The following ZBTB32 variants were observed in gnomAD, a reference collection of about 807,000 sequenced individuals.
ZBTB32 encodes zinc finger and BTB domain containing 32.
ZBTB32 carries 28 observed loss-of-function variants against 45.3 expected under a neutral mutation model. The ratio of observed to expected loss-of-function variants is 0.62; its 90% CI spans 0.46 to 0.85. The LOEUF is 0.85. Among genes scored for constraint, ZBTB32 ranks in the 40% least tolerant of loss-of-function variants. ZBTB32 has a pLI of 0.00. For missense variants in ZBTB32, 587 were observed against 624.4 expected (o/e 0.94, Z 0.64); for synonymous variants, 283 against 255.7 (o/e 1.11, Z -1.02).
At chr19:35,708,672 G>T (rs1306776301) in intron 1 of ZBTB32, among the ~76,000 whole-genome samples, 2 of 152,080 alleles carry the variant, frequency 1.3e-5, no homozygotes, top group Non-Finnish European at 2.9e-5. Flanking sequence ...AGCTCACCTG[G>T]GTATGACTAT....
chr19:35,707,968 G>A (rs1252536307), intron 1 of ZBTB32, among the ~76,000 whole-genome samples: 1 of 151,964 alleles, frequency 6.6e-6, no homozygotes, highest in African/African-American at 2.4e-5. Flanking sequence ...GGTGACAGAA[G>A]GAGACTCTGT....
intron 4 of ZBTB32, 29 bp from the exon 5 acceptor site, chr19:35,715,910 G>C: frequency 6.2e-7 from 1 of 1,611,994 alleles, no homozygotes; most frequent in African/African-American, 1.3e-5. Flanking sequence ...AGCCTGAGCA[G>C]GGCCCCTACC....
rs1968931389 is a variant in ZBTB32, at chr19:35,716,855, CCGCCCCAGAAG to C, written c.*112_*122del. ...CGCTGCTACGGCGGCCTAGCAAATT[CCGCCCCAGAAG>C]CGCCCCAGGAAGGGCGCCGAGTGCC... On this transcript the variant is annotated 3_prime_UTR_variant, in exon 7 of 7. Coordinates refer to ENST00000392197, the MANE Select transcript of ZBTB32 (RefSeq NM_014383.3). The C allele has an allele frequency of 2.8e-6, 4 of 1,426,878 alleles. No homozygotes were observed. Among genetic ancestry groups the C allele is most frequent in the Non-Finnish European group, 3.8e-6 (4 of 1,058,530 alleles). 88.4% of individuals were successfully genotyped at this position (1,426,878 alleles called of 1,614,324 possible).
chr19:35,710,080 A>G (rs916306694), intron 1 of ZBTB32, among the ~76,000 whole-genome samples: 1 of 150,406 alleles, frequency 6.6e-6, no homozygotes, highest in African/African-American at 2.5e-5. Flanking sequence ...GCATGGTAGC[A>G]GTTGCCTGTA....
At chr19:35,716,066 G>C (rs1568362547) in intron 5 of ZBTB32, 59 bp downstream of exon 5, 6 of 1,611,338 alleles carry the variant, frequency 3.7e-6, no homozygotes, top group Admixed American at 1.7e-5. Flanking sequence ...TTTCCTGCCT[G>C]AATGGTACAG....
At position 35,716,241 on chromosome 19, in the gene ZBTB32, G is replaced by C; in HGVS notation, c.1133G>C (p.Cys378Ser). Residue 378 changes from cysteine (C) to serine (S), a missense_variant, in exon 6 of 7, where the codon TGT becomes TCT. Cys to Ser is a moderately radical substitution (Grantham distance 112). Transcript: ENST00000392197. ...ARSRPYACSV[C>S]GKRFSLKHQM... ...TCTCGGCCCTATGCGTGCTCTGTCT[G>C]TGGAAAGAGGTTTTCACTCAAGCAT... 1 of 1,613,956 alleles carries C rather than the reference G, an allele frequency of 6.2e-7. No individual in the cohort carries two copies. Among genetic ancestry groups the C allele is most frequent in the Non-Finnish European group, 8.5e-7 (1 of 1,179,984 alleles).
chr19:35,716,434 G>C (rs2234375), intron 6 of ZBTB32, 44 bp from the exon 7 acceptor site: 163,420 of 1,586,038 alleles, frequency 0.1, 8,974 homozygotes, highest in South Asian at 0.11. Context: ...AGCTTTCGCC[G>C]CCTTCTTCCT....
intron 1 of ZBTB32, among the ~76,000 whole-genome samples, chr19:35,709,870 C>A (rs1244062541): frequency 6.8e-6 from 1 of 146,290 alleles, no homozygotes; most frequent in African/African-American, 2.5e-5. Flanking sequence ...TAGAGCAAGA[C>A]TCTGTCTCAA....
intron 6 of ZBTB32, 75 bp downstream of exon 6, chr19:35,716,372 G>A: frequency 3.8e-6 from 6 of 1,595,488 alleles, no homozygotes; most frequent in Non-Finnish European, 5.1e-6. Flanking sequence ...CTGTGTGCCC[G>A]GTTCCCGCGC....
At chr19:35,712,254 G>C (rs1045654756) in intron 1 of ZBTB32, among the ~76,000 whole-genome samples, 35 of 152,110 alleles carry the variant, frequency 2.3e-4, no homozygotes, top group African/African-American at 8.4e-4. Context: ...TTGAGCCCAA[G>C]AGTTCAAGAC....
In ZBTB32 at chr19:35,716,127, C is replaced by T. The variant is rs780820898; in HGVS notation, c.1025-6C>T. 1.2e-5 allele frequency: 19 copies of T among 1,613,380 alleles called. No homozygotes were observed. Among genetic ancestry groups the T allele is most frequent in the Non-Finnish European group, 5.9e-6 (7 of 1,179,838 alleles). On this transcript the variant is annotated splice_polypyrimidine_tract_variant and splice_region_variant and intron_variant, in intron 5 of 6. Coordinates refer to ENST00000392197, the MANE Select transcript of ZBTB32 (RefSeq NM_014383.3). ...CTGCCCTCCTTTGCCTTCTCTGTCCCCACAGGCGCACTTGCAACCTGTGCG... is the reference window on the plus strand; with the variant it reads ...CTGCCCTCCTTTGCCTTCTCTGTCCTCACAGGCGCACTTGCAACCTGTGCG...
Position 35,709,519 on chromosome 19 carries a change from G to A in ZBTB32, c.-221-3398G>A, listed in dbSNP as rs146367654. ...AGCTTTGACTTTGCAGCCAGGGTGT[G>A]CCCCGAGCCCCTTGCACATTTTTCC... On this transcript the variant is annotated intron_variant, in intron 1 of 6. Coordinates refer to ENST00000392197, the MANE Select transcript of ZBTB32 (RefSeq NM_014383.3). Among the ~76,000 whole-genome samples the A allele has an allele frequency of 8.1e-4, 123 of 152,258 alleles. 1 individual carries two copies. Among genetic ancestry groups the A allele is most frequent in the African/African-American group, 2.8e-3 (117 of 41,556 alleles).
intron 1 of ZBTB32, among the ~76,000 whole-genome samples, chr19:35,705,122 A>G (rs1968506424): frequency 6.6e-6 from 1 of 152,062 alleles, no homozygotes; most frequent in Non-Finnish European, 1.5e-5. Context: ...CCTGGCCAAC[A>G]TGGAGAAACC....
rs1043522894 is a variant in ZBTB32 at position 35,709,100 on chromosome 19, G to C, written c.-221-3817G>C. Among the ~76,000 whole-genome samples the C allele has an allele frequency of 3.3e-5, 5 of 152,318 alleles. No homozygotes were observed. The East Asian group carries it at 9.6e-4, about 29-fold the overall frequency. On this transcript the variant is annotated intron_variant, in intron 1 of 6. Coordinates refer to ENST00000392197, the MANE Select transcript of ZBTB32 (RefSeq NM_014383.3). ...CTCCCAGAGTGCTGGGATTACAGGT[G>C]TGAGCCACTGCGCCTGGCGAAAGAG...
chr19:35,715,971 C>T lies in ZBTB32; in HGVS notation c.988C>T (p.Pro330Ser), dbSNP rs745792052. The T allele has an allele frequency of 1.2e-6, 2 of 1,613,396 alleles. No homozygotes were observed. The highest frequency in any genetic ancestry group is 2.2e-5 in the South Asian group (2 of 91,082). ...SLPQGPAQLS[P>S]GEMEESDQGH... Reference sequence around the variant, plus strand: ...CCCCCAGGGCCCCGCACAGCTCAGCCCTGGGGAGATGGAAGAGTCTGATCA... The same window carrying T: ...CCCCCAGGGCCCCGCACAGCTCAGCTCTGGGGAGATGGAAGAGTCTGATCA... The change falls in exon 5 of 7, where the codon CCT becomes TCT. Residue 330 changes from proline to serine, a missense_variant. By Grantham distance (74) the Pro-to-Ser change is moderately conservative. Transcript: ENST00000392197.
chr19:35,716,772 T>C lies in ZBTB32; in HGVS notation c.*20T>C. 1 of 1,588,626 alleles carries C rather than the reference T, an allele frequency of 6.3e-7. No individual in the cohort carries two copies. The highest frequency in any genetic ancestry group is 8.6e-7 in the Non-Finnish European group (1 of 1,161,286). Reference sequence around the variant, plus strand: ...ACCTGACGGGGTGTCGGTAGCGTCTTAGCCAAGAGTCCAATTAAAGAACGA... The same window carrying C: ...ACCTGACGGGGTGTCGGTAGCGTCTCAGCCAAGAGTCCAATTAAAGAACGA... On this transcript the variant is annotated 3_prime_UTR_variant, in exon 7 of 7. Coordinates refer to ENST00000392197, the MANE Select transcript of ZBTB32 (RefSeq NM_014383.3).
intron 1 of ZBTB32, among the ~76,000 whole-genome samples, chr19:35,705,044 G>A (rs566637267): frequency 9.8e-5 from 15 of 152,328 alleles, no homozygotes; most frequent in Non-Finnish European, 1.8e-4. Context: ...GGTGGCTCAC[G>A]CCTGTAATCC....
In ZBTB32 at chr19:35,716,251, G is replaced by A. The variant is rs1161357935; in HGVS notation, c.1143G>A (p.Arg381=). ...RPYACSVCGK[R]FSLKHQMETH... ...ATGCGTGCTCTGTCTGTGGAAAGAG[G>A]TTTTCACTCAAGCATCAGATGGAGA... Residue 381 remains arginine (R), a synonymous_variant, in exon 6 of 7, where the codon AGG becomes AGA. Transcript: ENST00000392197. 2 of 1,613,924 alleles carry A rather than the reference G, an allele frequency of 1.2e-6. No individual in the cohort carries two copies. The highest frequency in any genetic ancestry group is 1.7e-6 in the Non-Finnish European group (2 of 1,179,968).
At chr19:35,708,671 G>A (rs986848014) in intron 1 of ZBTB32, among the ~76,000 whole-genome samples, 2 of 152,156 alleles carry the variant, frequency 1.3e-5, no homozygotes, top group African/African-American at 4.8e-5. Context: ...CAGCTCACCT[G>A]GGTATGACTA....
Sources: gnomAD v4.1 joint callset for allele counts (sites outside exome capture counted in the v4.1 genomes callset) on GRCh38, gnomAD v4.1.1 for gene constraint, MANE v1.5 for transcripts, NCBI Gene and HGNC (gene_info 2026-07-23, HGNC 2026-07-21) for gene names.